Variants in GPC5 observed in about 807,000 individuals in gnomAD.
GPC5 encodes glypican-5.
In GPC5, 47 loss-of-function variants were observed where a neutral mutation model predicts 53.9. The observed-to-expected ratio is 0.87, with a 90% CI of 0.69 to 1.11. The LOEUF is 1.11. Among genes scored for constraint, GPC5 ranks in the 50% most tolerant of loss-of-function variants. The pLI, the probability that GPC5 is intolerant of heterozygous loss-of-function variation, is 0.00. For synonymous variants in GPC5, 286 were observed against 263.3 expected (o/e 1.09, Z -0.84); for missense variants, 748 against 713.1 (o/e 1.05, Z -0.56).
At chr13:92,077,436 G>T (rs1254885230) in intron 6 of GPC5, among the ~76,000 whole-genome samples, 1 of 152,158 alleles carries the variant, frequency 6.6e-6, no homozygotes, top group African/African-American at 2.4e-5. Flanking sequence ...TGTGATCTGA[G>T]CCCTAATTCC....
At chr13:92,838,089 A>AT (rs1878280816) in intron 7 of GPC5, among the ~76,000 whole-genome samples, 1 of 151,826 alleles carries the variant, frequency 6.6e-6, no homozygotes, top group African/African-American at 2.4e-5. Context: ...AAAAAATAAA[A>AT]AAAAAAAAAT....
chr13:91,528,920 G>T (rs1420111737), intron 2 of GPC5, among the ~76,000 whole-genome samples: 1 of 152,160 alleles, frequency 6.6e-6, no homozygotes, highest in Non-Finnish European at 1.5e-5. Context: ...GGACAGCACA[G>T]GGGAAACCAC....
chr13:92,071,533 C>T (rs1336748975), intron 6 of GPC5, among the ~76,000 whole-genome samples: 2 of 152,006 alleles, frequency 1.3e-5, no homozygotes, highest in Admixed American at 1.3e-4. Context: ...CCTGCATTAT[C>T]TGCTGAGTAA....
In GPC5 at chr13:91,448,867, A is replaced by G. The variant is rs2139096155; in HGVS notation, c.270A>G (p.Gln90=). ...GCCAGGATATGCAGCAGTTTCTTCAAACGTCCAGCTCTACATTAAAGTTTC... is the reference window on the plus strand; with the variant it reads ...GCCAGGATATGCAGCAGTTTCTTCAGACGTCCAGCTCTACATTAAAGTTTC... ...AARQDMQQFL[Q]TSSSTLKFLI... Residue 90 remains glutamine, a synonymous_variant, in exon 2 of 8, where the codon CAA becomes CAG. Transcript: ENST00000377067. 2 of 1,613,690 alleles carry G rather than the reference A, an allele frequency of 1.2e-6. No individual in the cohort carries two copies. The highest frequency in any genetic ancestry group is 2.2e-5 in the South Asian group (2 of 91,074).
At chr13:92,726,098 G>A (rs559189322) in intron 7 of GPC5, among the ~76,000 whole-genome samples, 50 of 151,548 alleles carry the variant, frequency 3.3e-4, no homozygotes, top group African/African-American at 1.2e-3. Flanking sequence ...AAGAGCTAAA[G>A]AGTAGAGTCA....
intron 6 of GPC5, among the ~76,000 whole-genome samples, chr13:92,082,716 G>A (rs541123918): frequency 2.3e-4 from 35 of 152,094 alleles, no homozygotes; most frequent in African/African-American, 7.5e-4. Flanking sequence ...TTTTATTATT[G>A]AGCCATTATT....
At chr13:92,410,679 AC>A (rs1309760079) in intron 7 of GPC5, among the ~76,000 whole-genome samples, 27 of 152,320 alleles carry the variant, frequency 1.8e-4, no homozygotes, top group African/African-American at 6.5e-4. Flanking sequence ...TGTTCGCAAG[AC>A]TTTTGTTGCA....
chr13:91,478,469 T>A (rs960764120), intron 2 of GPC5, among the ~76,000 whole-genome samples: 1 of 152,028 alleles, frequency 6.6e-6, no homozygotes, highest in Non-Finnish European at 1.5e-5. Flanking sequence ...ATATGCTATT[T>A]ATTTTGTAGT....
At chr13:92,403,211 G>A (rs72638702) in intron 7 of GPC5, among the ~76,000 whole-genome samples, 1 of 152,300 alleles carries the variant, frequency 6.6e-6, no homozygotes, top group Non-Finnish European at 1.5e-5. Flanking sequence ...AATGGTGGAT[G>A]TTTAAGGATT....
intron 3 of GPC5, among the ~76,000 whole-genome samples, chr13:91,710,708 C>T (rs2139904884): frequency 6.6e-6 from 1 of 152,290 alleles, no homozygotes; most frequent in South Asian, 2.1e-4. Flanking sequence ...AGGACTGAGG[C>T]TTCACTGACA....
At chr13:92,647,652 C>A (rs72641027) in intron 7 of GPC5, among the ~76,000 whole-genome samples, 7,612 of 151,972 alleles carry the variant, frequency 0.05, 256 homozygotes, top group African/African-American at 0.096. Context: ...AGAGTTCAGA[C>A]ATTAACATAA....
intron 6 of GPC5, among the ~76,000 whole-genome samples, chr13:91,987,104 C>G (rs752143252): frequency 1.3e-5 from 2 of 152,178 alleles, no homozygotes; most frequent in Non-Finnish European, 2.9e-5. Flanking sequence ...GGTAGGAAGA[C>G]GTTATGGCAA....
intron 7 of GPC5, among the ~76,000 whole-genome samples, chr13:92,407,269 A>G (rs1186540652): frequency 6.6e-6 from 1 of 152,120 alleles, no homozygotes; most frequent in East Asian, 1.9e-4. Flanking sequence ...AAGAATTATC[A>G]TAAGACTGCT....
intron 7 of GPC5, among the ~76,000 whole-genome samples, chr13:92,563,182 T>A (rs1250491482): frequency 6.6e-6 from 1 of 152,042 alleles, no homozygotes; most frequent in African/African-American, 2.4e-5. Context: ...ATCTGTAAAG[T>A]CTATAAGATC....
intron 7 of GPC5, among the ~76,000 whole-genome samples, chr13:92,554,862 G>A (rs1046033684): frequency 6.6e-6 from 1 of 150,628 alleles, no homozygotes; most frequent in Non-Finnish European, 1.5e-5. Flanking sequence ...GTATGTATGA[G>A]ATCTGTTAAA....
intron 7 of GPC5, among the ~76,000 whole-genome samples, chr13:92,850,322 G>A (rs1485369436): frequency 1.3e-5 from 2 of 152,118 alleles, no homozygotes; most frequent in African/African-American, 4.8e-5. Flanking sequence ...GGGATAGGCT[G>A]GGCACAGTTA....
At chr13:91,487,302 T>A (rs572413475) in intron 2 of GPC5, among the ~76,000 whole-genome samples, 17 of 152,226 alleles carry the variant, frequency 1.1e-4, no homozygotes, top group African/African-American at 3.4e-4. Flanking sequence ...TAATAGATGG[T>A]TAGTAGGGAG....
At chr13:91,737,376 T>C (rs1183279488) in intron 4 of GPC5, among the ~76,000 whole-genome samples, 1 of 151,470 alleles carries the variant, frequency 6.6e-6, no homozygotes. Context: ...AAATTTACTT[T>C]GAGTAATTCC....
chr13:92,045,626 A>G (rs1455427335), intron 6 of GPC5, among the ~76,000 whole-genome samples: 1 of 152,154 alleles, frequency 6.6e-6, no homozygotes, highest in African/African-American at 2.4e-5. Context: ...GACCACTTTC[A>G]TGGTACTTAA....
Sources: allele counts gnomAD v4.1 joint callset (sites outside exome capture counted in the v4.1 genomes callset), GRCh38; gene constraint gnomAD v4.1.1; transcripts MANE v1.5; gene names NCBI Gene and HGNC (gene_info 2026-07-23, HGNC 2026-07-21).